Variants in LDLRAD3 observed in about 807,000 individuals in gnomAD.
The protein encoded by LDLRAD3 is low density lipoprotein receptor class A domain containing 3, also known as low-density lipoprotein receptor class A domain-containing protein 3.
LDLRAD3 carries 20 observed loss-of-function variants against 29.4 expected under a neutral mutation model. The observed-to-expected ratio is 0.68, with a 90% CI of 0.48 to 0.99. The LOEUF is 0.99. Among genes scored for constraint, LDLRAD3 ranks in the 50% least tolerant of loss-of-function variants. LDLRAD3 has a pLI of 0.00. For missense variants in LDLRAD3, 420 were observed against 454.3 expected (o/e 0.92, Z 0.69); for synonymous variants, 157 against 192.7 (o/e 0.81, Z 1.53).
chr11:35,964,110 T>C (rs563513961), intron 1 of LDLRAD3, among the ~76,000 whole-genome samples: 19 of 152,286 alleles, frequency 1.2e-4, no homozygotes, highest in African/African-American at 4.3e-4. Flanking sequence ...AAGCCATAAG[T>C]ATTACAAGTT....
chr11:36,084,719 T>C (rs527996255), intron 3 of LDLRAD3, among the ~76,000 whole-genome samples: 2 of 152,296 alleles, frequency 1.3e-5, no homozygotes, highest in South Asian at 4.1e-4. Context: ...TGATCATCAA[T>C]GACTGCTTAA....
chr11:35,971,803 TG>T (rs1435606428), intron 1 of LDLRAD3, among the ~76,000 whole-genome samples: 1 of 151,398 alleles, frequency 6.6e-6, no homozygotes, highest in Non-Finnish European at 1.5e-5. Flanking sequence ...AAGAGGAAGG[TG>T]GTGTGGACCA....
intron 2 of LDLRAD3, 46 bp from the exon 3 acceptor site, chr11:36,081,607 C>T (rs960796895): frequency 6.2e-7 from 1 of 1,613,442 alleles, no homozygotes; most frequent in South Asian, 1.1e-5. Flanking sequence ...ATGCAGTCAT[C>T]TGAGAACATC....
intron 4 of LDLRAD3, among the ~76,000 whole-genome samples, chr11:36,129,298 A>G (rs1343879343): frequency 5.3e-5 from 8 of 152,194 alleles, no homozygotes; most frequent in Non-Finnish European, 1.2e-4. Context: ...GCAACTGTCG[A>G]TGGCAGAGGC....
chr11:35,961,461 T>C (rs1385576333), intron 1 of LDLRAD3, among the ~76,000 whole-genome samples: 1 of 152,170 alleles, frequency 6.6e-6, no homozygotes, highest in Non-Finnish European at 1.5e-5. Flanking sequence ...AGGATAAGGT[T>C]AATAGCAGCC....
intron 2 of LDLRAD3, among the ~76,000 whole-genome samples, chr11:36,046,598 C>T (rs1156939866): frequency 6.6e-6 from 1 of 152,136 alleles, no homozygotes; most frequent in African/African-American, 2.4e-5. Context: ...TTCATTATAT[C>T]AGCAAAGACC....
intron 4 of LDLRAD3, among the ~76,000 whole-genome samples, chr11:36,186,355 A>G (rs116809772): frequency 1.0e-3 from 154 of 152,342 alleles, no homozygotes; most frequent in African/African-American, 3.5e-3. Flanking sequence ...ACTACGGTAT[A>G]TGCAGTTGCC....
At chr11:36,102,629 T>A (rs545029192) in intron 4 of LDLRAD3, among the ~76,000 whole-genome samples, 15 of 152,314 alleles carry the variant, frequency 9.8e-5, no homozygotes, top group Admixed American at 6.5e-4. Context: ...CTTTGTATTC[T>A]ATATGAGATG....
chr11:35,954,415 A>G (rs989182036), intron 1 of LDLRAD3, among the ~76,000 whole-genome samples: 3 of 152,130 alleles, frequency 2.0e-5, no homozygotes, highest in Non-Finnish European at 2.9e-5. Flanking sequence ...GATGGAGTCT[A>G]TTGTGTTTTT....
intron 4 of LDLRAD3, among the ~76,000 whole-genome samples, chr11:36,120,179 A>ATAC (rs1210497727): frequency 6.6e-6 from 1 of 152,242 alleles, no homozygotes; most frequent in Non-Finnish European, 1.5e-5. Context: ...CTGGAAACAA[A>ATAC]TACACAAGTA....
chr11:36,122,272 C>G (rs191722237), intron 4 of LDLRAD3, among the ~76,000 whole-genome samples: 2 of 152,026 alleles, frequency 1.3e-5, no homozygotes, highest in Non-Finnish European at 2.9e-5. Context: ...TGGGCATGAA[C>G]AATTTGTAGA....
chr11:36,127,204 CT>C (rs1354394847), intron 4 of LDLRAD3, among the ~76,000 whole-genome samples: 1 of 152,018 alleles, frequency 6.6e-6, no homozygotes, highest in Non-Finnish European at 1.5e-5. Context: ...TAAGGAATGT[CT>C]TTACTTTATT....
intron 1 of LDLRAD3, among the ~76,000 whole-genome samples, chr11:36,026,562 A>G (rs1852169851): frequency 6.6e-6 from 1 of 152,176 alleles, no homozygotes; most frequent in African/African-American, 2.4e-5. Context: ...ACAGGATGAG[A>G]TAGGAGGTCA....
chr11:36,014,303 G>GAGA (rs1282381666), intron 1 of LDLRAD3, among the ~76,000 whole-genome samples: 4 of 152,242 alleles, frequency 2.6e-5, no homozygotes, highest in Non-Finnish European at 5.9e-5. Flanking sequence ...GATAGACAGA[G>GAGA]AGAGGGGTGC....
chr11:35,979,655 C>T (rs1851516290), intron 1 of LDLRAD3, among the ~76,000 whole-genome samples: 1 of 152,144 alleles, frequency 6.6e-6, no homozygotes, highest in African/African-American at 2.4e-5. Context: ...GTTTATTTGC[C>T]TCTTCTGAAG....
intron 1 of LDLRAD3, among the ~76,000 whole-genome samples, chr11:36,018,999 G>C (rs1296165656): frequency 6.6e-6 from 1 of 152,088 alleles, no homozygotes; most frequent in Non-Finnish European, 1.5e-5. Flanking sequence ...AAATCTCGAT[G>C]GGCATTTCTG....
In LDLRAD3 at chr11:36,039,985, G is replaced by A. The variant is rs139576262; in HGVS notation, c.193+3736G>A. Among the ~76,000 whole-genome samples, 381 of 152,270 alleles carry A rather than the reference G, an allele frequency of 2.5e-3. 2 individuals are homozygous for A. The highest frequency in any genetic ancestry group is 8.9e-3 in the African/African-American group (371 of 41,558). ...AAACGGCTGATGTGGAATTTCTGCC[G>A]CCTTCCCGGAGGGAGGGAGACTGGT... On this transcript the variant is annotated intron_variant, in intron 2 of 5. Transcript: ENST00000315571.
At position 36,229,256 on chromosome 11, in the gene LDLRAD3, T is replaced by C. The variant is rs760033247; in HGVS notation, c.897T>C (p.Ser299=). The part of the protein sequence containing the change: ...DLPPYRSRSG[S]ANSASSQAAS... ...CCCCCTACCGCTCCCGGTCCGGGAG[T>C]GCCAACAGTGCCAGCTCCCAGGCAG... The change falls in exon 6 of 6, where the codon AGT becomes AGC. Residue 299 remains serine (S), a synonymous_variant. Transcript: ENST00000315571. 1 of 1,613,412 alleles carries C rather than the reference T, an allele frequency of 6.2e-7. No homozygotes were observed. Among genetic ancestry groups the C allele is most frequent in the Non-Finnish European group, 8.5e-7 (1 of 1,179,850 alleles).
At chr11:36,033,012 T>C (rs1178018281) in intron 1 of LDLRAD3, among the ~76,000 whole-genome samples, 3 of 151,974 alleles carry the variant, frequency 2.0e-5, no homozygotes, top group Non-Finnish European at 4.4e-5. Context: ...GTAGCTGGGA[T>C]TACAGGTGTG....
Sources: allele counts gnomAD v4.1 joint callset (sites outside exome capture counted in the v4.1 genomes callset), GRCh38; gene constraint gnomAD v4.1.1; transcripts MANE v1.5; gene names NCBI Gene and HGNC (gene_info 2026-07-23, HGNC 2026-07-21).